The following TTI2 variants were observed in gnomAD, a reference collection of about 807,000 sequenced individuals.
TTI2 encodes TELO2 interacting protein 2.
Under a neutral mutation model 44.9 loss-of-function variants are expected in TTI2, and 26 were observed. That is an observed-to-expected ratio of 0.58 (90% CI 0.42 to 0.80). The LOEUF (loss-of-function observed/expected upper bound fraction) is 0.80, where lower values mean the gene tolerates loss of function less well. Among genes scored for constraint, TTI2 ranks in the 30% least tolerant of loss-of-function variants. TTI2 has a pLI of 0.00. For synonymous variants in TTI2, 254 were observed against 250.9 expected, an observed-to-expected ratio of 1.01 and a Z score of -0.12; for missense variants, 582 against 611.6, an observed-to-expected ratio of 0.95 and a Z score of 0.51.
intron 6 of TTI2, among the ~76,000 whole-genome samples, chr8:33,503,139 A>AC (rs1348253933): frequency 7.7e-5 from 7 of 90,426 alleles, no homozygotes; most frequent in Non-Finnish European, 1.5e-4. Context: ...AAAAAAAAAA[A>AC]AAAAAAAAAC....
chr8:33,503,430 T>A lies in TTI2; in HGVS notation c.1258A>T (p.Arg420Ter). ...TTTGCACCTTAAGGCTGCTATTACC[T>A]GGGCCAAGTATGTTGCATGAGAAGT... ...LKLLMQHTWP[R>*]VSCRLVVLLK... The change falls in exon 6 of 8, where the codon AGA becomes TGA. Residue 420 changes from arginine (R) to a stop codon, truncating the protein, a stop_gained and splice_region_variant. Coordinates refer to ENST00000431156, the MANE Select transcript of TTI2 (RefSeq NM_001102401.4). LOFTEE classifies it high-confidence loss of function. 1 of 1,614,172 alleles carries A rather than the reference T, an allele frequency of 6.2e-7. No individual in the cohort carries two copies. Among genetic ancestry groups the A allele is most frequent in the Non-Finnish European group, 8.5e-7 (1 of 1,180,028 alleles).
intron 6 of TTI2, chr8:33,501,333 C>G (rs143620839): frequency 6.6e-6 from 1 of 152,284 alleles, no homozygotes; most frequent in Non-Finnish European, 1.5e-5. Context: ...TTGGGTGCCT[C>G]TCAGCCCTCG....
chr8:33,509,476 AG>A (rs371217147), intron 3 of TTI2, among the ~76,000 whole-genome samples: 44,976 of 104,058 alleles, frequency 0.43, 10,570 homozygotes, highest in African/African-American at 0.5. Flanking sequence ...AAAAAAAAAA[AG>A]AAAGAAAGAA....
Position 33,499,134 on chromosome 8 carries a change from G to C in TTI2, c.*39C>G. The C allele has an allele frequency of 6.6e-7, 1 of 1,506,086 alleles. No homozygotes were observed. The highest frequency in any genetic ancestry group is 1.7e-5 in the Admixed American group (1 of 59,730). 93.3% of individuals were successfully genotyped at this position (1,506,086 alleles called of 1,614,324 possible). On this transcript the variant is annotated 3_prime_UTR_variant, in exon 8 of 8. Coordinates refer to ENST00000431156, the MANE Select transcript of TTI2 (RefSeq NM_001102401.4). ...AACTCCATTCATACAAATTGGGATGGGAAGAAAATCCTTTCCTCTTGGGAA... is the reference window on the plus strand; with the variant it reads ...AACTCCATTCATACAAATTGGGATGCGAAGAAAATCCTTTCCTCTTGGGAA...
intron 2 of TTI2, among the ~76,000 whole-genome samples, chr8:33,511,713 C>T (rs1809534312): frequency 6.6e-6 from 1 of 151,912 alleles, no homozygotes; most frequent in Admixed American, 6.6e-5. Flanking sequence ...CATGGTGAAA[C>T]CCCGTCTCTA....
chr8:33,507,429 C>T (rs1192954551), intron 3 of TTI2, 108 bp from the exon 4 acceptor site: 1 of 884,412 alleles, frequency 1.1e-6, no homozygotes, highest in African/African-American at 1.7e-5. Flanking sequence ...AACATGCCAT[C>T]CCAAAATATG....
intron 4 of TTI2, among the ~76,000 whole-genome samples, chr8:33,505,343 TTCTG>T (rs1458225132): frequency 7.2e-5 from 11 of 152,180 alleles, no homozygotes; most frequent in Non-Finnish European, 1.5e-4. Flanking sequence ...AACTTGTTTC[TTCTG>T]TCTTTGTAGT....
intron 2 of TTI2, among the ~76,000 whole-genome samples, chr8:33,510,272 T>C (rs1221953772): frequency 6.6e-6 from 1 of 152,178 alleles, no homozygotes; most frequent in Non-Finnish European, 1.5e-5. Flanking sequence ...TTAGTAGTAT[T>C]ACACTAAGGA....
intron 6 of TTI2, chr8:33,500,814 A>G (rs1026334380): frequency 3.6e-5 from 9 of 251,092 alleles, no homozygotes; most frequent in Non-Finnish European, 5.4e-5. Flanking sequence ...CCAAGGGCCT[A>G]TACTTTTATT....
At chr8:33,512,752 GA>G (rs1809604651) in intron 1 of TTI2, 40 bp from the exon 2 acceptor site, 2 of 981,574 alleles carry the variant, frequency 2.0e-6, no homozygotes, top group Non-Finnish European at 2.9e-6. Context: ...TGTCTTGGAG[GA>G]GGGGGCGAGT....
intron 4 of TTI2, among the ~76,000 whole-genome samples, chr8:33,506,336 T>G (rs1321182615): frequency 3.3e-5 from 5 of 151,872 alleles, no homozygotes. Flanking sequence ...ACAGAACACT[T>G]AACTAATAAA....
chr8:33,507,613 G>C (rs1417783110), intron 3 of TTI2, among the ~76,000 whole-genome samples: 1 of 151,998 alleles, frequency 6.6e-6, no homozygotes, highest in Non-Finnish European at 1.5e-5. Context: ...GGCTGCAATG[G>C]ACCTACATAA....
Position 33,512,291 on chromosome 8 carries a change from T to C in TTI2, c.323A>G (p.Glu108Gly). 6.2e-7 allele frequency: 1 copy of C among 1,614,220 alleles called. No homozygotes were observed. Among genetic ancestry groups the C allele is most frequent in the Non-Finnish European group, 8.5e-7 (1 of 1,180,050 alleles). The change falls in exon 2 of 8, where the codon GAA becomes GGA. Residue 108 changes from glutamate to glycine, a missense_variant. Physicochemically the swap from Glu to Gly is moderately conservative, Grantham distance 98. Transcript: ENST00000431156. ...EEEGGGDGHS[E>G]AAEKAAQVGL... ...AACTTGGGCTGCTTTCTCGGCCGCT[T>C]CGGAGTGCCCATCACCTCCACCTTC...
chr8:33,507,821 C>CA lies in TTI2; in HGVS notation c.835-501dup, dbSNP rs560525552. Among the ~76,000 whole-genome samples, 905 of 142,312 alleles carry CA rather than the reference C, an allele frequency of 6.4e-3. 6 individuals carry two copies. Among genetic ancestry groups the CA allele is most frequent in the Non-Finnish European group, 9.3e-3 (603 of 64,752 alleles). The allele number at this position is 142,312 out of a possible 152,430, so 93.4% of individuals were successfully genotyped here. On this transcript the variant is annotated intron_variant, in intron 3 of 7. Coordinates refer to ENST00000431156, the MANE Select transcript of TTI2 (RefSeq NM_001102401.4). Reference sequence around the variant, plus strand: ...CAACAGAGCAAGACCCTGTCTCTACCAAAAAAAAAAATTAAAAAATTAGTT... The same window carrying CA: ...CAACAGAGCAAGACCCTGTCTCTACCAAAAAAAAAAAATTAAAAAATTAGTT...
rs755302469 is a variant in TTI2 at position 33,512,468 on chromosome 8, T to A, written c.146A>T (p.Asp49Val). 6.2e-7 allele frequency: 1 copy of A among 1,614,116 alleles called. No individual in the cohort carries two copies. Among genetic ancestry groups the A allele is most frequent in the Non-Finnish European group, 8.5e-7 (1 of 1,179,980 alleles). ...RPEARRGNVK[D>V]AVLKDLGDLI... ...ATCACCGAGGTCTTTAAGAACTGCA[T>A]CTTTTACATTGCCTCGTCGTGCCTC... Residue 49 changes from aspartate to valine, a missense_variant, in exon 2 of 8, where the codon GAT (aspartate) becomes GTT (valine). Transcript: ENST00000431156.
intron 6 of TTI2, among the ~76,000 whole-genome samples, chr8:33,501,837 T>G (rs1264466765): frequency 6.6e-6 from 1 of 152,248 alleles, no homozygotes; most frequent in Non-Finnish European, 1.5e-5. Context: ...ATGCTTCTGC[T>G]GACTCCACAG....
At chr8:33,508,087 TAAAAAAAAAAAAA>T (rs58891946) in intron 3 of TTI2, among the ~76,000 whole-genome samples, 8 of 19,494 alleles carry the variant, frequency 4.1e-4, no homozygotes, top group Admixed American at 2.0e-3. Flanking sequence ...CTAGCGGTAG[TAAAAAAAAAAAAA>T]AAAAAAAAAA....
chr8:33,512,351 G>C lies in TTI2; in HGVS notation c.263C>G (p.Ala88Gly). The C allele has an allele frequency of 6.2e-7, 1 of 1,614,164 alleles. No individual in the cohort carries two copies. The highest frequency in any genetic ancestry group is 8.5e-7 in the Non-Finnish European group (1 of 1,180,038). ...GGAGGGGGCTGCATACTTCTCCAGG[G>C]CTTTTGCTACCTGCCCCAGTGTCTC... The part of the protein sequence containing the change: ...MPETLGQVAK[A>G]LEKYAAPSKE... The change falls in exon 2 of 8, where the codon GCC (alanine) becomes GGC (glycine). Residue 88 changes from alanine (A) to glycine (G), a missense_variant. By Grantham distance (60) the Ala-to-Gly change is moderately conservative. Coordinates refer to ENST00000431156, the MANE Select transcript of TTI2 (RefSeq NM_001102401.4).
rs564936972 is a variant in TTI2 at position 33,499,668 on chromosome 8, A to AT, written c.1423-392dup. On this transcript the variant is annotated intron_variant, in intron 7 of 7. Transcript: ENST00000431156. The stretch of plus-strand genomic sequence containing the variant: ...ATCTCTACATATTTTTAGGATATGA[A>AT]TTTTTTTTTCCTGCTGGGTAGATTG... 118 of 178,984 alleles carry AT rather than the reference A, an allele frequency of 6.6e-4. No homozygotes were observed. The Middle Eastern group carries it at 0.017, about 26-fold the overall frequency. 11.1% of individuals were successfully genotyped at this position (178,984 alleles called of 1,614,324 possible). A position where few individuals can be genotyped will look rare whatever the true frequency, so the allele number is the denominator to read the frequency against.
Sources: allele counts gnomAD v4.1 joint callset (sites outside exome capture counted in the v4.1 genomes callset), GRCh38; gene constraint gnomAD v4.1.1; transcripts MANE v1.5; gene names NCBI Gene and HGNC (gene_info 2026-07-23, HGNC 2026-07-21).